ESRRG: variants seen among roughly 807,000 people sequenced by gnomAD.
ESRRG encodes estrogen-related receptor gamma.
In ESRRG, 13 loss-of-function variants were observed where a neutral mutation model predicts 44.0. The ratio of observed to expected loss-of-function variants is 0.30; its 90% CI spans 0.19 to 0.47. ESRRG has a LOEUF of 0.47. Ranked by LOEUF, ESRRG falls within the 20% of genes least tolerant of loss-of-function variation. The pLI is 1.00. For synonymous variants in ESRRG, 215 were observed against 214.6 expected (o/e 1.00, Z -0.02); for missense variants, 395 against 580.6 (o/e 0.68, Z 3.29).
intron 2 of ESRRG, among the ~76,000 whole-genome samples, chr1:216,740,840 A>G (rs2090592368): frequency 6.6e-6 from 1 of 151,982 alleles, no homozygotes; most frequent in African/African-American, 2.4e-5. Flanking sequence ...CCCTGTATTA[A>G]GCTTGACATT....
chr1:217,105,879 C>T (rs2092587343), intron 1 of ESRRG, among the ~76,000 whole-genome samples: 1 of 152,120 alleles, frequency 6.6e-6, no homozygotes, highest in Admixed American at 6.6e-5. Flanking sequence ...GAGGCCATGA[C>T]ATAGATGCCA....
At chr1:216,697,200 A>T (rs769308969) in intron 1 of ESRRG, among the ~76,000 whole-genome samples, 8 of 152,076 alleles carry the variant, frequency 5.3e-5, no homozygotes, top group Non-Finnish European at 1.2e-4. Context: ...TCCTGACCTC[A>T]AGTGATCCAC....
chr1:216,530,276 A>T (rs1328910752), intron 5 of ESRRG, among the ~76,000 whole-genome samples: 1 of 66,074 alleles, frequency 1.5e-5, no homozygotes, highest in Admixed American at 1.4e-4. Context: ...TAGTGAATTA[A>T]CATTAAAATA....
At chr1:216,557,971 A>C (rs978789614) in intron 5 of ESRRG, among the ~76,000 whole-genome samples, 1 of 152,148 alleles carries the variant, frequency 6.6e-6, no homozygotes, top group Non-Finnish European at 1.5e-5. Flanking sequence ...TATTTTGGGG[A>C]GTCCTGGGAA....
intron 5 of ESRRG, among the ~76,000 whole-genome samples, chr1:216,542,317 G>A (rs2053136109): frequency 6.6e-6 from 1 of 151,320 alleles, no homozygotes; most frequent in African/African-American, 2.4e-5. Flanking sequence ...TTTCTCTCTT[G>A]GAAGAATAAA....
chr1:216,934,171 C>T (rs1054902495), intron 2 of ESRRG, among the ~76,000 whole-genome samples: 7 of 152,158 alleles, frequency 4.6e-5, no homozygotes, highest in East Asian at 1.9e-4. Flanking sequence ...TGGTGGCTCA[C>T]GCCTGTAATT....
intron 2 of ESRRG, among the ~76,000 whole-genome samples, chr1:216,671,346 A>G (rs1039344541): frequency 6.6e-6 from 1 of 152,202 alleles, no homozygotes; most frequent in Admixed American, 6.5e-5. Context: ...AGGCACCATC[A>G]GTGAGAAATG....
intron 2 of ESRRG, among the ~76,000 whole-genome samples, chr1:216,886,824 G>A (rs1028742391): frequency 2.6e-5 from 4 of 152,070 alleles, no homozygotes; most frequent in African/African-American, 9.7e-5. Flanking sequence ...CCTGGGCTCA[G>A]GTGATCCTCC....
chr1:217,073,731 G>A (rs2090900135), intron 1 of ESRRG, among the ~76,000 whole-genome samples: 1 of 151,940 alleles, frequency 6.6e-6, no homozygotes, highest in East Asian at 1.9e-4. Context: ...AGGAAAGAAG[G>A]AAGAAAGAAA....
At chr1:216,980,185 C>T (rs543860295) in intron 1 of ESRRG, among the ~76,000 whole-genome samples, 11 of 152,240 alleles carry the variant, frequency 7.2e-5, no homozygotes, top group Admixed American at 1.3e-4. Flanking sequence ...TTAATGCTTG[C>T]GTTCCATGTT....
chr1:216,627,604 T>G (rs377351225), intron 3 of ESRRG, among the ~76,000 whole-genome samples: 54 of 152,322 alleles, frequency 3.5e-4, no homozygotes, highest in African/African-American at 1.3e-3. Flanking sequence ...CCCAAATACC[T>G]GGACAGAAAC....
At position 216,981,197 on chromosome 1, in the gene ESRRG, C is replaced by A. The variant is rs188082967; in HGVS notation, c.-105-41524G>T. On this transcript the variant is annotated intron_variant, in intron 1 of 7. Transcript: ENST00000359162. ...TTATGTATATATCTGTCTTTCCATT[C>A]TATCATAACCACAATACTCAATAAA... is the stretch of plus-strand genomic sequence containing the variant. Among the ~76,000 whole-genome samples, 4 of 152,298 alleles carry A rather than the reference C, an allele frequency of 2.6e-5. No homozygotes were observed. The East Asian group carries it at 5.8e-4, about 22-fold the overall frequency.
At chr1:216,991,371 T>C (rs938641697) in intron 1 of ESRRG, among the ~76,000 whole-genome samples, 2 of 152,142 alleles carry the variant, frequency 1.3e-5, no homozygotes, top group African/African-American at 4.8e-5. Flanking sequence ...CCCAAGCGTT[T>C]TGTTGTTGCT....
upstream of ESRRG, among the ~76,000 whole-genome samples, chr1:216,727,247 A>C (rs1410239008): frequency 6.6e-6 from 1 of 152,238 alleles, no homozygotes; most frequent in Admixed American, 6.5e-5. Context: ...AAAATCTTTG[A>C]AAAGCTGTTT....
intron 1 of ESRRG, among the ~76,000 whole-genome samples, chr1:217,009,941 T>C (rs2078316416): frequency 1.3e-5 from 2 of 151,946 alleles, no homozygotes; most frequent in African/African-American, 4.8e-5. Context: ...CATGACCTCA[T>C]AATCCACCCA....
rs74377419 is a variant in ESRRG, at chr1:216,996,295, A to T, written c.-105-56622T>A. Among the ~76,000 whole-genome samples, 876 of 152,254 alleles carry T rather than the reference A, an allele frequency of 5.8e-3. 14 individuals carry two copies. Among genetic ancestry groups the T allele is most frequent in the African/African-American group, 0.02 (839 of 41,548 alleles). ...TTACATTTTAAAAGGAGAGTATAAAAAGTGTACATGCAGAGGACTGGAAGT... is the reference window on the plus strand; with the variant it reads ...TTACATTTTAAAAGGAGAGTATAAATAGTGTACATGCAGAGGACTGGAAGT... On this transcript the variant is annotated intron_variant, in intron 1 of 7. Coordinates refer to the ESRRG transcript ENST00000359162.
intron 2 of ESRRG, among the ~76,000 whole-genome samples, chr1:216,810,834 T>C (rs1045740062): frequency 6.7e-6 from 1 of 149,598 alleles, no homozygotes; most frequent in African/African-American, 2.4e-5. Context: ...TATAACTCTA[T>C]GATATGTGTG....
intron 2 of ESRRG, among the ~76,000 whole-genome samples, chr1:216,752,874 C>T (rs1401089941): frequency 6.6e-6 from 1 of 151,992 alleles, no homozygotes; most frequent in Non-Finnish European, 1.5e-5. Flanking sequence ...CTTCATTGGA[C>T]TGTTGGGAGA....
chr1:217,061,340 G>T (rs182251869), intron 1 of ESRRG, among the ~76,000 whole-genome samples: 7 of 152,214 alleles, frequency 4.6e-5, no homozygotes, highest in Non-Finnish European at 7.4e-5. Flanking sequence ...CCCAAAGAGA[G>T]AGAGAATATG....
Sources: allele counts gnomAD v4.1 joint callset (sites outside exome capture counted in the v4.1 genomes callset), GRCh38; gene constraint gnomAD v4.1.1; transcripts MANE v1.5; gene names NCBI Gene and HGNC (gene_info 2026-07-23, HGNC 2026-07-21).